The following ASAH1 variants were observed in gnomAD, a reference collection of about 807,000 sequenced individuals.
The protein encoded by ASAH1 is N-acylsphingosine amidohydrolase 1.
In ASAH1, 70 loss-of-function variants were observed where a neutral mutation model predicts 59.5. That is an observed-to-expected ratio of 1.18 (90% confidence interval 0.97 to 1.43). The LOEUF is 1.43. Ranked by LOEUF, ASAH1 falls within the 40% of genes most tolerant of loss-of-function variation. ASAH1 has a pLI of 0.00. For synonymous variants in ASAH1, 213 were observed against 166.5 expected (o/e 1.28, Z -2.15); for missense variants, 660 against 482.5 (o/e 1.37, Z -3.45).
At chr8:18,077,500 C>G (rs1182960102) in intron 1 of ASAH1, among the ~76,000 whole-genome samples, 1 of 152,194 alleles carries the variant, frequency 6.6e-6, no homozygotes, top group African/African-American at 2.4e-5. Flanking sequence ...GCTAACTCTT[C>G]AGTCACTTCA....
chr8:18,075,151 A>G (rs1205311050), intron 2 of ASAH1, among the ~76,000 whole-genome samples: 2 of 151,508 alleles, frequency 1.3e-5, no homozygotes, highest in African/African-American at 2.4e-5. Flanking sequence ...GCCCGCCACC[A>G]CGCCTGGCTA....
intron 5 of ASAH1, chr8:18,065,534 G>A (rs372982275): frequency 1.2e-4 from 18 of 152,144 alleles, no homozygotes; most frequent in African/African-American, 2.6e-4. Context: ...TTTTGGGGTC[G>A]TGGGGAAAAT....
intron 10 of ASAH1, 73 bp from the exon 11 acceptor site, chr8:18,059,776 A>C: frequency 7.0e-7 from 1 of 1,431,070 alleles, no homozygotes; most frequent in African/African-American, 1.4e-5. Flanking sequence ...TTATTTTTAA[A>C]TTTTACTTTA....
At position 18,062,432 on chromosome 8, in the gene ASAH1, G is replaced by C; in HGVS notation, c.504-9C>G. The stretch of plus-strand genomic sequence containing the variant: ...CATTATTTATGTTCCACCTATAAAA[G>C]ACATGTTTCAGTGACATTTCAGAAA... On this transcript the variant is annotated splice_polypyrimidine_tract_variant and intron_variant, in intron 7 of 13. Transcript: ENST00000637790. The C allele has an allele frequency of 6.2e-7, 1 of 1,613,884 alleles. No individual in the cohort carries two copies.
intron 11 of ASAH1, 52 bp downstream of exon 11, chr8:18,059,520 T>C (rs530331314): frequency 1.9e-6 from 3 of 1,614,204 alleles, no homozygotes; most frequent in African/African-American, 2.7e-5. Context: ...ACTCAAAGTA[T>C]ATCAGTGTAT....
At chr8:18,083,703 C>A (rs1800758515) in intron 1 of ASAH1, among the ~76,000 whole-genome samples, 1 of 152,256 alleles carries the variant, frequency 6.6e-6, no homozygotes, top group African/African-American at 2.4e-5. Flanking sequence ...CAAGTACACT[C>A]ACTCAAATCT....
rs1564545634 is a variant in ASAH1, at chr8:18,069,941, G to C, written c.217-63C>G. On this transcript the variant is annotated intron_variant, in intron 3 of 13. Coordinates refer to ENST00000637790, the MANE Select transcript of ASAH1 (RefSeq NM_177924.5). Reference sequence around the variant, plus strand: ...GAAATGCTGTCAAGATTACCTTTTGGCTTACCCATATGTAGCTAAAAGAGA... The same window carrying C: ...GAAATGCTGTCAAGATTACCTTTTGCCTTACCCATATGTAGCTAAAAGAGA... 4 of 1,219,350 alleles carry C rather than the reference G, an allele frequency of 3.3e-6. No homozygotes were observed. In the Admixed American group the frequency reaches 7.0e-5, roughly 21 times the overall value. 75.5% of individuals were successfully genotyped at this position (1,219,350 alleles called of 1,614,324 possible).
rs2117018389 is a variant in ASAH1, at chr8:18,059,557, A to C, written c.917+15T>G. 1 of 1,614,182 alleles carries C rather than the reference A, an allele frequency of 6.2e-7. No homozygotes were observed. Among genetic ancestry groups the C allele is most frequent in the Non-Finnish European group, 8.5e-7 (1 of 1,180,028 alleles). ...CTTTTGTTTCTACTTCTTTTGCTTTAACAAACCTACTTACTCATATACATC... is the reference window on the plus strand; with the variant it reads ...CTTTTGTTTCTACTTCTTTTGCTTTCACAAACCTACTTACTCATATACATC... On this transcript the variant is annotated intron_variant, in intron 11 of 13. Coordinates refer to ENST00000637790, the MANE Select transcript of ASAH1 (RefSeq NM_177924.5).
rs1315210426 is a variant in ASAH1, at chr8:18,084,052, C to T, written c.7G>A (p.Gly3Ser). Residue 3 changes from glycine to serine, a missense_variant, in exon 1 of 14, where the codon GGC becomes AGC. Physicochemically the swap from Gly to Ser is moderately conservative, Grantham distance 56 (BLOSUM62 0). Coordinates refer to ENST00000637790, the MANE Select transcript of ASAH1 (RefSeq NM_177924.5). MP[G>S]RSCVALVLLA... ...AGGACTAAGGCGACGCAACTCCGGC[C>T]CGGCATCGCTCTAGCAGCCAACGCC... 2 of 1,598,612 alleles carry T rather than the reference C, an allele frequency of 1.3e-6. No homozygotes were observed. The highest frequency in any genetic ancestry group is 1.1e-5 in the South Asian group (1 of 91,080).
chr8:18,072,815 T>C (rs1029844688), intron 2 of ASAH1, among the ~76,000 whole-genome samples: 7 of 152,194 alleles, frequency 4.6e-5, no homozygotes, highest in Admixed American at 6.5e-5. Flanking sequence ...CTATGTCTAG[T>C]AGCAAAGATA....
At chr8:18,069,007 G>A (rs765669537) in intron 4 of ASAH1, among the ~76,000 whole-genome samples, 4 of 151,980 alleles carry the variant, frequency 2.6e-5, no homozygotes, top group Admixed American at 6.6e-5. Flanking sequence ...TGGGTGTGGC[G>A]GCACGTGACT....
intron 2 of ASAH1, among the ~76,000 whole-genome samples, chr8:18,071,760 C>T (rs1023391964): frequency 1.3e-5 from 2 of 152,020 alleles, no homozygotes; most frequent in Non-Finnish European, 2.9e-5. Context: ...AGACAATTCT[C>T]CAATTGGTTT....
Position 18,079,554 on chromosome 8 carries a change from G to C in ASAH1, c.79-3967C>G, listed in dbSNP as rs993684836. On this transcript the variant is annotated intron_variant, in intron 1 of 13. Coordinates refer to ENST00000637790, the MANE Select transcript of ASAH1 (RefSeq NM_177924.5). ...AAAATATTTGAGCCCGAAAGAATTA[G>C]GAGACCCTCAATGAAATAATGTATG... 2.6e-5 allele frequency among the ~76,000 whole-genome samples: 4 copies of C among 152,250 alleles called. No individual in the cohort carries two copies. The East Asian group carries it at 7.7e-4, about 29-fold the overall frequency.
chr8:18,068,873 C>T (rs1317789211), intron 4 of ASAH1, among the ~76,000 whole-genome samples: 1 of 152,192 alleles, frequency 6.6e-6, no homozygotes, highest in Non-Finnish European at 1.5e-5. Flanking sequence ...CACCTACGAT[C>T]CCAACACTTT....
chr8:18,060,336 A>T (rs1799637915), intron 10 of ASAH1: 1 of 154,328 alleles, frequency 6.5e-6, no homozygotes, highest in Non-Finnish European at 1.4e-5. Flanking sequence ...GCCTCTGGGA[A>T]AAGCAATCCC....
At chr8:18,071,030 A>G (rs1261532968) in intron 3 of ASAH1, among the ~76,000 whole-genome samples, 4 of 152,066 alleles carry the variant, frequency 2.6e-5, no homozygotes, top group Non-Finnish European at 5.9e-5. Context: ...CAACATGGCA[A>G]AATCTTGTCT....
intron 10 of ASAH1, chr8:18,060,130 A>G (rs907564249): frequency 5.6e-6 from 1 of 178,140 alleles, no homozygotes; most frequent in Admixed American, 5.6e-5. Context: ...AAACTAAAGA[A>G]AAACAAGTAT....
intron 4 of ASAH1, 115 bp downstream of exon 4, chr8:18,069,677 A>T (rs1800075609): frequency 1.4e-6 from 1 of 727,876 alleles, no homozygotes; most frequent in Admixed American, 2.2e-5. Flanking sequence ...AGTGAGCTAG[A>T]TTCATGCAGA....
chr8:18,076,176 C>G (rs1800397379), intron 1 of ASAH1: 1 of 154,908 alleles, frequency 6.5e-6, no homozygotes, highest in Non-Finnish European at 1.4e-5. Flanking sequence ...CTTTTCCCCA[C>G]CTGGTGAACT....
Sources: allele counts gnomAD v4.1 joint callset (sites outside exome capture counted in the v4.1 genomes callset), GRCh38; gene constraint gnomAD v4.1.1; transcripts MANE v1.5; gene names NCBI Gene and HGNC (gene_info 2026-07-23, HGNC 2026-07-21).